The following PIGK variants were observed in gnomAD, a reference collection of about 807,000 sequenced individuals.
The protein encoded by PIGK is GPI-anchor transamidase.
PIGK carries 42 observed loss-of-function variants against 50.6 expected under a neutral mutation model. The ratio of observed to expected loss-of-function variants is 0.83; its 90% CI spans 0.65 to 1.07. PIGK has a LOEUF of 1.07. PIGK is among the 50% of genes least tolerant of loss of function. The probability of loss-of-function intolerance (pLI) is 0.00; values close to 1 mark genes in which losing one functional copy is unlikely to be tolerated. For synonymous variants in PIGK, 151 were observed against 156.0 expected, an observed-to-expected ratio of 0.97 and a Z score of 0.24; for missense variants, 448 against 488.7, an observed-to-expected ratio of 0.92 and a Z score of 0.78.
intron 9 of PIGK, among the ~76,000 whole-genome samples, chr1:77,131,294 C>A (rs1654366676): frequency 6.6e-6 from 1 of 151,674 alleles, no homozygotes; most frequent in Admixed American, 6.6e-5. Context: ...TTACTAAACT[C>A]TCTTATTAAA....
chr1:77,186,189 AT>A, intron 3 of PIGK, among the ~76,000 whole-genome samples: 1 of 152,322 alleles, frequency 6.6e-6, no homozygotes, highest in South Asian at 2.1e-4. Context: ...GGATGGCCTC[AT>A]GGGGAGTTCC....
At chr1:77,130,066 G>A (rs1327345870) in intron 9 of PIGK, among the ~76,000 whole-genome samples, 2 of 150,340 alleles carry the variant, frequency 1.3e-5, no homozygotes, top group African/African-American at 4.9e-5. Flanking sequence ...CTTCTATTTG[G>A]TTTGTCTTTT....
chr1:77,202,684 T>C (rs1193218033), intron 3 of PIGK, among the ~76,000 whole-genome samples: 1 of 151,974 alleles, frequency 6.6e-6, no homozygotes, highest in Non-Finnish European at 1.5e-5. Context: ...CACAAAAGAC[T>C]GAAATACAGA....
rs992355994 is a variant in PIGK, at chr1:77,089,467, G to A, written c.*2907C>T. 1 of 152,492 alleles carries A rather than the reference G, an allele frequency of 6.6e-6. No individual in the cohort carries two copies. Among genetic ancestry groups the A allele is most frequent in the African/African-American group, 2.4e-5 (1 of 41,434 alleles). The allele number at this position is 152,492 out of a possible 1,614,324, so 9.4% of individuals were successfully genotyped here. A position where few individuals can be genotyped will look rare whatever the true frequency, so the allele number is the denominator to read the frequency against. ...CAACTGAAAAAAGTTATATGTTAATGCAACATTTGTTGTAAAGATTCCAGA... is the reference window on the plus strand; with the variant it reads ...CAACTGAAAAAAGTTATATGTTAATACAACATTTGTTGTAAAGATTCCAGA... On this transcript the variant is annotated 3_prime_UTR_variant, in exon 11 of 11. Transcript: ENST00000370812.
chr1:77,129,314 T>G (rs770251360), intron 9 of PIGK: 1 of 1,596,624 alleles, frequency 6.3e-7, no homozygotes, highest in Non-Finnish European at 8.6e-7. Context: ...ATGGTGGAGT[T>G]GGCAGGTGTG....
intron 3 of PIGK, among the ~76,000 whole-genome samples, chr1:77,186,721 G>A (rs867471461): frequency 6.6e-6 from 1 of 152,270 alleles, no homozygotes; most frequent in Middle Eastern, 3.4e-3. Flanking sequence ...AGTGGCTATG[G>A]TGGCAGGGAT....
At chr1:77,195,273 T>C in intron 3 of PIGK, 3 of 1,333,208 alleles carry the variant, frequency 2.3e-6, no homozygotes, top group East Asian at 2.4e-5. Flanking sequence ...CCAGGGTGGC[T>C]GAGGTCCTGG....
chr1:77,116,575 TGTGTGTGTGTGTGTGTGTGTGC>T (rs1392860596), intron 10 of PIGK, among the ~76,000 whole-genome samples: 5 of 120,300 alleles, frequency 4.2e-5, no homozygotes, highest in Non-Finnish European at 6.5e-5. Context: ...TGTGTGTGTG[TGTGTGTGTGTGTGTGTGTGTGC>T]GCGTGTGTGT....
chr1:77,162,593 T>A (rs980368159), intron 6 of PIGK, among the ~76,000 whole-genome samples: 1 of 152,142 alleles, frequency 6.6e-6, no homozygotes, highest in African/African-American at 2.4e-5. Context: ...AAGAATAATA[T>A]AATCAGGTAT....
chr1:77,182,636 C>T (rs80074865), intron 3 of PIGK, among the ~76,000 whole-genome samples: 18 of 151,954 alleles, frequency 1.2e-4, no homozygotes, highest in Admixed American at 7.2e-4. Context: ...GATTTTGGTA[C>T]GAGGAGTGAT....
At chr1:77,207,237 A>T (rs1656311196) in intron 2 of PIGK, among the ~76,000 whole-genome samples, 1 of 152,204 alleles carries the variant, frequency 6.6e-6, no homozygotes, top group Non-Finnish European at 1.5e-5. Context: ...ATTAGATTTT[A>T]AAAAACCATT....
At chr1:77,138,952 A>G (rs574115538) in intron 9 of PIGK, among the ~76,000 whole-genome samples, 12 of 152,176 alleles carry the variant, frequency 7.9e-5, no homozygotes, top group African/African-American at 2.9e-4. Context: ...TTTTACCCCC[A>G]TATCTCTAGC....
chr1:77,117,088 T>C (rs550886280), intron 10 of PIGK, among the ~76,000 whole-genome samples: 2 of 152,324 alleles, frequency 1.3e-5, no homozygotes, highest in South Asian at 4.2e-4. Context: ...CTTCATTGTC[T>C]TGCTCCAATT....
chr1:77,169,335 A>T lies in PIGK; in HGVS notation c.300T>A (p.Ala100=), dbSNP rs187961781. The T allele has an allele frequency of 1.2e-6, 2 of 1,606,182 alleles. No homozygotes were observed. Among genetic ancestry groups the T allele is most frequent in the African/African-American group, 1.3e-5 (1 of 74,832 alleles). ...MACNPRNPKP[A]TVFSHKNMEL... is the part of the protein sequence containing the mutation. Reference sequence around the variant, plus strand: ...CCATATTCTTGTGACTAAACACTGTAGCTGGTTTGGGATTTCTAGGATTAC... The same window carrying T: ...CCATATTCTTGTGACTAAACACTGTTGCTGGTTTGGGATTTCTAGGATTAC... Residue 100 remains alanine (A), a synonymous_variant, in exon 4 of 11, where the codon GCT becomes GCA. Coordinates refer to ENST00000370812, the MANE Select transcript of PIGK (RefSeq NM_005482.3).
At chr1:77,151,079 T>C (rs1654884768) in intron 9 of PIGK, among the ~76,000 whole-genome samples, 2 of 152,032 alleles carry the variant, frequency 1.3e-5, no homozygotes, top group South Asian at 4.1e-4. Flanking sequence ...CTGATGAACA[T>C]AAATGCAGAA....
chr1:77,194,623 C>G (rs1655987589), intron 3 of PIGK, among the ~76,000 whole-genome samples: 1 of 129,676 alleles, frequency 7.7e-6, no homozygotes, highest in South Asian at 2.4e-4. Flanking sequence ...ACAACAGACA[C>G]CAGAACCTAT....
chr1:77,107,960 CT>C (rs1653732607), intron 10 of PIGK, among the ~76,000 whole-genome samples: 1 of 152,088 alleles, frequency 6.6e-6, no homozygotes, highest in African/African-American at 2.4e-5. Flanking sequence ...TCCTCCATCC[CT>C]TTATTTTGAG....
chr1:77,159,715 T>C (rs1655093753), intron 8 of PIGK, among the ~76,000 whole-genome samples: 1 of 152,208 alleles, frequency 6.6e-6, no homozygotes, highest in South Asian at 2.1e-4. Flanking sequence ...ATGGGGCCTG[T>C]AGTGCCTTCG....
intron 9 of PIGK, chr1:77,129,733 A>T: frequency 3.7e-6 from 3 of 820,368 alleles, no homozygotes; most frequent in South Asian, 2.7e-5. Context: ...AAATAAATAA[A>T]TAAATATTTA....
Sources: gnomAD v4.1 joint callset for allele counts (sites outside exome capture counted in the v4.1 genomes callset) on GRCh38, gnomAD v4.1.1 for gene constraint, MANE v1.5 for transcripts, NCBI Gene and HGNC (gene_info 2026-07-23, HGNC 2026-07-21) for gene names.